The following PRKG1 variants were observed in gnomAD, a reference collection of about 807,000 sequenced individuals.
PRKG1 encodes the protein protein kinase cGMP-dependent 1, also known as cGMP-dependent protein kinase 1.
A neutral mutation model predicts 88.1 loss-of-function variants in PRKG1; 35 were observed. That is an observed-to-expected ratio of 0.40 (90% CI 0.30 to 0.53). The LOEUF (loss-of-function observed/expected upper bound fraction) is 0.53, where lower values mean the gene tolerates loss of function less well. PRKG1 is among the 20% of genes least tolerant of loss of function. The pLI is 0.59. For missense variants in PRKG1, 540 were observed against 839.8 expected (o/e 0.64, Z 4.41); for synonymous variants, 303 against 292.5 (o/e 1.04, Z -0.37).
At chr10:52,280,053 A>G (rs1283571972) in intron 12 of PRKG1, among the ~76,000 whole-genome samples, 4 of 152,144 alleles carry the variant, frequency 2.6e-5, no homozygotes, top group Non-Finnish European at 5.9e-5. Context: ...TATATGAGAC[A>G]GAGAGAGCCT....
chr10:51,525,117 C>T (rs1456013483), intron 3 of PRKG1, among the ~76,000 whole-genome samples: 1 of 149,002 alleles, frequency 6.7e-6, no homozygotes, highest in Non-Finnish European at 1.5e-5. Context: ...TGCATGTGCA[C>T]ACGAGAGAGA....
At chr10:51,116,015 T>A (rs1294848265) in intron 1 of PRKG1, among the ~76,000 whole-genome samples, 7 of 152,090 alleles carry the variant, frequency 4.6e-5, no homozygotes. Flanking sequence ...AGAGCTTCAC[T>A]GTAGGGAGGC....
intron 5 of PRKG1, among the ~76,000 whole-genome samples, chr10:52,026,907 G>C (rs1845354080): frequency 6.6e-6 from 1 of 152,108 alleles, no homozygotes; most frequent in African/African-American, 2.4e-5. Flanking sequence ...CCCGGGAGGT[G>C]GAGCTTGCAA....
At chr10:52,089,558 C>T (rs1163506270) in intron 7 of PRKG1, among the ~76,000 whole-genome samples, 1 of 151,904 alleles carries the variant, frequency 6.6e-6, no homozygotes, top group Non-Finnish European at 1.5e-5. Context: ...TATACTATAC[C>T]TAATGAGATC....
At chr10:51,403,100 C>T (rs996716786) in intron 2 of PRKG1, among the ~76,000 whole-genome samples, 1 of 152,168 alleles carries the variant, frequency 6.6e-6, no homozygotes, top group Non-Finnish European at 1.5e-5. Context: ...GGGCACATCT[C>T]TCTGGATTTA....
At chr10:51,624,150 A>G (rs1028523988) in intron 3 of PRKG1, among the ~76,000 whole-genome samples, 24 of 152,286 alleles carry the variant, frequency 1.6e-4, no homozygotes, top group African/African-American at 4.1e-4. Context: ...AAAACTTGTC[A>G]TACATTTGGG....
intron 2 of PRKG1, among the ~76,000 whole-genome samples, chr10:51,169,883 T>A (rs1346516186): frequency 6.6e-6 from 1 of 152,084 alleles, no homozygotes; most frequent in Non-Finnish European, 1.5e-5. Context: ...CTGCCCTGCT[T>A]CCCTACTAGA....
chr10:51,857,641 T>G (rs1203022372), intron 4 of PRKG1, among the ~76,000 whole-genome samples: 1 of 152,210 alleles, frequency 6.6e-6, no homozygotes, highest in Non-Finnish European at 1.5e-5. Context: ...TGTTATTTTA[T>G]TTTATTTTTT....
At chr10:51,488,366 G>A (rs912354419) in intron 3 of PRKG1, among the ~76,000 whole-genome samples, 6 of 152,074 alleles carry the variant, frequency 3.9e-5, no homozygotes, top group Non-Finnish European at 1.5e-5. Context: ...AAGAGCTTTT[G>A]GGTACAAGCT....
intron 9 of PRKG1, among the ~76,000 whole-genome samples, chr10:52,170,812 A>T (rs958356941): frequency 6.6e-6 from 1 of 152,210 alleles, no homozygotes; most frequent in African/African-American, 2.4e-5. Context: ...ATGTTCTCTC[A>T]TTACATTTCA....
chr10:52,240,622 G>C (rs1400498888), intron 9 of PRKG1, among the ~76,000 whole-genome samples: 4 of 152,118 alleles, frequency 2.6e-5, no homozygotes, highest in Admixed American at 6.6e-5. Context: ...GCAGTGACTT[G>C]ATAACAAATG....
rs181892129 is a variant in PRKG1 at position 52,061,695 on chromosome 10, A to T, written c.841-842A>T. On this transcript the variant is annotated intron_variant, in intron 6 of 17. Transcript: ENST00000373980. Reference sequence around the variant, plus strand: ...AATTTGTGGAGAATGCCAAAGAAATACAACTTTCTTTTAAGGGCATTTTAT... The same window carrying T: ...AATTTGTGGAGAATGCCAAAGAAATTCAACTTTCTTTTAAGGGCATTTTAT... Among the ~76,000 whole-genome samples the T allele has an allele frequency of 5.3e-3, 813 of 152,280 alleles. 4 individuals are homozygous for T. Among genetic ancestry groups the T allele is most frequent in the African/African-American group, 0.019 (771 of 41,576 alleles).
At chr10:51,799,746 A>G (rs928822355) in intron 3 of PRKG1, among the ~76,000 whole-genome samples, 1 of 152,014 alleles carries the variant, frequency 6.6e-6, no homozygotes, top group Non-Finnish European at 1.5e-5. Context: ...TAGCCCTGCC[A>G]TTGCCACTCC....
chr10:51,876,390 T>G (rs966044615), intron 4 of PRKG1, among the ~76,000 whole-genome samples: 2 of 152,220 alleles, frequency 1.3e-5, no homozygotes, highest in African/African-American at 4.8e-5. Flanking sequence ...AATCTACCTG[T>G]TTATAAAAGA....
At chr10:52,135,590 G>A (rs1837389837) in intron 8 of PRKG1, among the ~76,000 whole-genome samples, 1 of 152,056 alleles carries the variant, frequency 6.6e-6, no homozygotes, top group Non-Finnish European at 1.5e-5. Flanking sequence ...AAACCAGAAG[G>A]TTTCACGTCT....
intron 2 of PRKG1, among the ~76,000 whole-genome samples, chr10:51,389,080 T>G (rs1837329867): frequency 6.6e-6 from 1 of 152,218 alleles, no homozygotes; most frequent in African/African-American, 2.4e-5. Flanking sequence ...TAACTTGTGA[T>G]AGCCAATTAC....
At chr10:51,060,369 T>C (rs1843679510) in intron 1 of PRKG1, among the ~76,000 whole-genome samples, 1 of 152,070 alleles carries the variant, frequency 6.6e-6, no homozygotes, top group Admixed American at 6.5e-5. Flanking sequence ...TTTTGTTCTA[T>C]ATTAATTTTT....
chr10:51,922,940 C>T (rs1050401914), intron 5 of PRKG1, among the ~76,000 whole-genome samples: 1 of 152,026 alleles, frequency 6.6e-6, no homozygotes, highest in African/African-American at 2.4e-5. Context: ...AGTTGAACTA[C>T]ATCCTTACTA....
intron 4 of PRKG1, among the ~76,000 whole-genome samples, chr10:51,833,256 T>C (rs1840048102): frequency 6.6e-6 from 1 of 151,932 alleles, no homozygotes; most frequent in Non-Finnish European, 1.5e-5. Context: ...GCAGGACGAG[T>C]GAGGTTGCTG....
Sources: allele counts gnomAD v4.1 joint callset (sites outside exome capture counted in the v4.1 genomes callset), GRCh38; gene constraint gnomAD v4.1.1; transcripts MANE v1.5; gene names NCBI Gene and HGNC (gene_info 2026-07-23, HGNC 2026-07-21).